The following PPP1R9A variants were observed in gnomAD, a reference collection of about 807,000 sequenced individuals.
The protein encoded by PPP1R9A is neurabin-1.
A neutral mutation model predicts 141.9 loss-of-function variants in PPP1R9A; 59 were observed. That is an observed-to-expected ratio of 0.42 (90% confidence interval 0.34 to 0.52). PPP1R9A has a LOEUF of 0.52. Among genes scored for constraint, PPP1R9A ranks in the 20% least tolerant of loss-of-function variants. The probability of loss-of-function intolerance (pLI) is 0.10; values close to 1 mark genes in which losing one functional copy is unlikely to be tolerated. For synonymous variants in PPP1R9A, 500 were observed against 569.7 expected (o/e 0.88, Z 1.74); for missense variants, 1,444 against 1,611.9 (o/e 0.90, Z 1.78).
intron 2 of PPP1R9A, among the ~76,000 whole-genome samples, chr7:95,084,537 G>C (rs1446162441): frequency 2.0e-5 from 3 of 151,796 alleles, no homozygotes; most frequent in Non-Finnish European, 2.9e-5. Flanking sequence ...TACAGACTTA[G>C]ATTTCCACAG....
chr7:95,024,297 G>A (rs1281437692), intron 2 of PPP1R9A, among the ~76,000 whole-genome samples: 1 of 152,048 alleles, frequency 6.6e-6, no homozygotes, highest in Non-Finnish European at 1.5e-5. Context: ...TAGGTCACTT[G>A]GACCAGAGCT....
At chr7:95,108,327 T>TTTTTTTTTTTTC (rs1819922374) in intron 2 of PPP1R9A, among the ~76,000 whole-genome samples, 1 of 135,018 alleles carries the variant, frequency 7.4e-6, no homozygotes, top group South Asian at 2.5e-4. Flanking sequence ...TTTTTTTTTT[T>TTTTTTTTTTTTC]TTTTTTGAGA....
chr7:95,056,843 A>T (rs112197541), intron 2 of PPP1R9A, among the ~76,000 whole-genome samples: 3,188 of 152,230 alleles, frequency 0.021, 117 homozygotes, highest in African/African-American at 0.073. Flanking sequence ...AAAAAGGCCA[A>T]AATCTAAATG....
intron 4 of PPP1R9A, among the ~76,000 whole-genome samples, chr7:95,159,760 A>G (rs1440425754): frequency 1.3e-5 from 2 of 151,470 alleles, no homozygotes; most frequent in East Asian, 1.9e-4. Flanking sequence ...CATCTCTACT[A>G]AAAATACAAA....
At chr7:95,089,341 A>G (rs1306988010) in intron 2 of PPP1R9A, among the ~76,000 whole-genome samples, 1 of 151,954 alleles carries the variant, frequency 6.6e-6, no homozygotes, top group Non-Finnish European at 1.5e-5. Context: ...GAAAGGACTC[A>G]TTTTGCTGCT....
chr7:95,274,475 T>G (rs1802795179), intron 16 of PPP1R9A, among the ~76,000 whole-genome samples: 1 of 152,260 alleles, frequency 6.6e-6, no homozygotes, highest in African/African-American at 2.4e-5. Flanking sequence ...CAAATATATT[T>G]ATGTGATACT....
intron 5 of PPP1R9A, among the ~76,000 whole-genome samples, chr7:95,190,445 CTG>C (rs781227547): frequency 2.6e-5 from 4 of 152,196 alleles, no homozygotes; most frequent in African/African-American, 4.8e-5. Context: ...GTGAAATAGA[CTG>C]TGTGAGAGTC....
At chr7:95,269,986 C>G (rs772090095) in intron 14 of PPP1R9A, among the ~76,000 whole-genome samples, 1 of 152,168 alleles carries the variant, frequency 6.6e-6, no homozygotes, top group Non-Finnish European at 1.5e-5. Flanking sequence ...TACCTCTCCA[C>G]GTAACCAGTG....
chr7:94,956,664 C>T (rs774139473), intron 2 of PPP1R9A, among the ~76,000 whole-genome samples: 13 of 151,934 alleles, frequency 8.6e-5, no homozygotes, highest in Non-Finnish European at 1.6e-4. Flanking sequence ...GCTATGATTG[C>T]GCTACTGCAC....
intron 4 of PPP1R9A, among the ~76,000 whole-genome samples, chr7:95,141,998 T>G (rs1042503934): frequency 6.6e-6 from 1 of 152,152 alleles, no homozygotes; most frequent in Non-Finnish European, 1.5e-5. Flanking sequence ...GAGCAATGTA[T>G]GAGGGTTCCA....
intron 2 of PPP1R9A, among the ~76,000 whole-genome samples, chr7:95,003,591 A>G (rs1803225208): frequency 6.6e-6 from 1 of 152,206 alleles, no homozygotes; most frequent in South Asian, 2.1e-4. Context: ...TAAAATAGGG[A>G]GAGGTAACTT....
intron 5 of PPP1R9A, among the ~76,000 whole-genome samples, chr7:95,172,577 T>C (rs1438987991): frequency 1.3e-5 from 2 of 151,744 alleles, no homozygotes; most frequent in Admixed American, 6.6e-5. Flanking sequence ...AATCTAACAA[T>C]ATATTGCAGA....
chr7:95,157,249 C>A (rs2152692082), intron 4 of PPP1R9A, among the ~76,000 whole-genome samples: 1 of 152,166 alleles, frequency 6.6e-6, no homozygotes, highest in African/African-American at 2.4e-5. Flanking sequence ...GCCTTCTCAG[C>A]TCCCCCTCTC....
intron 8 of PPP1R9A, among the ~76,000 whole-genome samples, chr7:95,239,766 TAAA>T (rs1363778091): frequency 6.6e-6 from 1 of 151,584 alleles, no homozygotes; most frequent in African/African-American, 2.4e-5. Context: ...AAGGACAAAA[TAAA>T]AATTAAAATA....
intron 2 of PPP1R9A, among the ~76,000 whole-genome samples, chr7:95,041,161 G>T (rs746349690): frequency 6.6e-6 from 1 of 152,140 alleles, no homozygotes; most frequent in Admixed American, 6.6e-5. Context: ...CATGACTAAG[G>T]TCATCTTAGT....
At chr7:95,064,097 G>A (rs1188335799) in intron 2 of PPP1R9A, among the ~76,000 whole-genome samples, 1 of 152,110 alleles carries the variant, frequency 6.6e-6, no homozygotes, top group Non-Finnish European at 1.5e-5. Flanking sequence ...GTTATTTGCT[G>A]TTATTTAAGT....
chr7:94,968,741 G>C (rs1166790196), intron 2 of PPP1R9A, among the ~76,000 whole-genome samples: 1 of 152,052 alleles, frequency 6.6e-6, no homozygotes, highest in Admixed American at 6.5e-5. Flanking sequence ...GTGTTTTCCA[G>C]CTTGGTTCCA....
intron 2 of PPP1R9A, chr7:95,098,334 C>T (rs112661906): frequency 3.4e-4 from 52 of 151,044 alleles, no homozygotes; most frequent in African/African-American, 1.1e-3. Flanking sequence ...ACAATACAGT[C>T]GGCATTAACA....
intron 5 of PPP1R9A, among the ~76,000 whole-genome samples, chr7:95,168,276 A>C (rs1171320224): frequency 1.3e-5 from 2 of 152,162 alleles, no homozygotes; most frequent in Non-Finnish European, 2.9e-5. Context: ...AAAGACACCA[A>C]GAACATACAT....
Sources: gnomAD v4.1 joint callset for allele counts (sites outside exome capture counted in the v4.1 genomes callset) on GRCh38, gnomAD v4.1.1 for gene constraint, MANE v1.5 for transcripts, NCBI Gene and HGNC (gene_info 2026-07-23, HGNC 2026-07-21) for gene names.